Variants in NEGR1 observed in about 807,000 individuals in gnomAD.
NEGR1 encodes the protein neuronal growth regulator 1.
Under a neutral mutation model 40.9 loss-of-function variants are expected in NEGR1, and 10 were observed. The ratio of observed to expected loss-of-function variants is 0.24; its 90% CI spans 0.15 to 0.42. NEGR1 has a LOEUF of 0.42. Ranked by LOEUF, NEGR1 falls within the 10% of genes least tolerant of loss-of-function variation. The probability of loss-of-function intolerance (pLI) is 1.00; values close to 1 mark genes in which losing one functional copy is unlikely to be tolerated. For synonymous variants in NEGR1, 185 were observed against 166.8 expected (o/e 1.11, Z -0.84); for missense variants, 352 against 438.9 (o/e 0.80, Z 1.77).
chr1:71,670,065 T>TC lies in NEGR1; in HGVS notation c.667+27942dup, dbSNP rs1213549446. 1.8e-4 allele frequency among the ~76,000 whole-genome samples: 28 copies of TC among 152,302 alleles called. No individual in the cohort carries two copies. In the East Asian group the frequency reaches 5.0e-3, roughly 27 times the overall value. On this transcript the variant is annotated intron_variant, in intron 4 of 6. Coordinates refer to ENST00000357731, the MANE Select transcript of NEGR1 (RefSeq NM_173808.3). The stretch of plus-strand genomic sequence containing the variant: ...ATTATTCTTCATTCTTTCCTTCCTT[T>TC]CTCCGTTACCATTTGTGATTATTTT...
chr1:71,690,413 T>C (rs557132489), intron 4 of NEGR1, among the ~76,000 whole-genome samples: 1 of 151,986 alleles, frequency 6.6e-6, no homozygotes, highest in South Asian at 2.1e-4. Context: ...TTGTACTGAC[T>C]AAAGTAATGT....
chr1:72,055,525 T>C (rs1215500269), intron 1 of NEGR1, among the ~76,000 whole-genome samples: 2 of 151,082 alleles, frequency 1.3e-5, no homozygotes, highest in African/African-American at 4.8e-5. Flanking sequence ...TAATGGGAAA[T>C]GAAATATGCC....
chr1:71,577,669 A>T (rs1649006972), intron 6 of NEGR1, among the ~76,000 whole-genome samples: 1 of 152,210 alleles, frequency 6.6e-6, no homozygotes, highest in Admixed American at 6.5e-5. Flanking sequence ...TGTGGTAATC[A>T]GACCAATTTC....
intron 6 of NEGR1, among the ~76,000 whole-genome samples, chr1:71,577,542 G>A (rs752795292): frequency 7.9e-5 from 12 of 152,158 alleles, no homozygotes; most frequent in Non-Finnish European, 1.5e-4. Context: ...TAGTGGCCAG[G>A]AAGAACTGAA....
intron 2 of NEGR1, among the ~76,000 whole-genome samples, chr1:71,888,473 C>T (rs1355988613): frequency 2.0e-5 from 3 of 151,846 alleles, no homozygotes; most frequent in Non-Finnish European, 2.9e-5. Flanking sequence ...CCTGGAAAAT[C>T]GGGTCACTCC....
At chr1:71,754,850 T>A (rs1275656163) in intron 3 of NEGR1, among the ~76,000 whole-genome samples, 1 of 152,174 alleles carries the variant, frequency 6.6e-6, no homozygotes, top group Non-Finnish European at 1.5e-5. Context: ...CTCTTCTAGG[T>A]CTTCATCTGT....
At chr1:71,638,647 C>T (rs900754693) in intron 4 of NEGR1, among the ~76,000 whole-genome samples, 1 of 152,002 alleles carries the variant, frequency 6.6e-6, no homozygotes, top group African/African-American at 2.4e-5. Context: ...ATTATGATTT[C>T]CATTTTACAA....
chr1:71,591,504 A>C (rs1341910550), intron 6 of NEGR1, among the ~76,000 whole-genome samples: 10 of 152,290 alleles, frequency 6.6e-5, no homozygotes, highest in Non-Finnish European at 2.9e-5. Context: ...GTGCTTGAAT[A>C]TTTAAACCAT....
intron 6 of NEGR1, among the ~76,000 whole-genome samples, chr1:71,509,441 G>A (rs1030833146): frequency 2.0e-5 from 3 of 152,204 alleles, no homozygotes; most frequent in Non-Finnish European, 4.4e-5. Context: ...CATCCGACAT[G>A]CCACTGGTGA....
At chr1:71,701,086 GT>G (rs1653675640) in intron 3 of NEGR1, among the ~76,000 whole-genome samples, 1 of 151,954 alleles carries the variant, frequency 6.6e-6, no homozygotes, top group Admixed American at 6.6e-5. Flanking sequence ...CTTGCTTTGA[GT>G]CTGATGAGAC....
chr1:72,210,772 T>C (rs889955183), intron 1 of NEGR1, among the ~76,000 whole-genome samples: 1 of 151,892 alleles, frequency 6.6e-6, no homozygotes, highest in Admixed American at 6.6e-5. Flanking sequence ...CTAATTCAAA[T>C]CATACATGGT....
intron 2 of NEGR1, among the ~76,000 whole-genome samples, chr1:71,864,826 T>C (rs1338795458): frequency 6.6e-6 from 1 of 152,146 alleles, no homozygotes. Flanking sequence ...ACATAAATAT[T>C]ATTATTCATT....
chr1:72,093,409 A>C (rs763255806), intron 1 of NEGR1, among the ~76,000 whole-genome samples: 1 of 152,094 alleles, frequency 6.6e-6, no homozygotes, highest in Non-Finnish European at 1.5e-5. Context: ...TTCACATACA[A>C]ATATTCTCTC....
chr1:71,768,482 A>T (rs1656206960), intron 3 of NEGR1, among the ~76,000 whole-genome samples: 2 of 152,122 alleles, frequency 1.3e-5, no homozygotes, highest in South Asian at 4.1e-4. Flanking sequence ...TTGGAATGGG[A>T]GTATTTACGC....
At chr1:71,870,541 T>C (rs993022341) in intron 2 of NEGR1, among the ~76,000 whole-genome samples, 2 of 152,204 alleles carry the variant, frequency 1.3e-5, no homozygotes, top group Non-Finnish European at 2.9e-5. Flanking sequence ...AATTTATACT[T>C]TACTTGCACT....
chr1:72,103,020 T>C (rs1011365552), intron 1 of NEGR1, among the ~76,000 whole-genome samples: 4 of 152,110 alleles, frequency 2.6e-5, no homozygotes, highest in African/African-American at 9.6e-5. Context: ...ATTACCATGT[T>C]TTTGTTCTAT....
chr1:72,078,748 T>A (rs929527794), intron 1 of NEGR1, among the ~76,000 whole-genome samples: 1 of 151,158 alleles, frequency 6.6e-6, no homozygotes, highest in African/African-American at 2.4e-5. Flanking sequence ...CAAGTGATTC[T>A]CCTGCCTCAG....
chr1:72,157,262 T>C (rs1479260682), intron 1 of NEGR1, among the ~76,000 whole-genome samples: 1 of 152,152 alleles, frequency 6.6e-6, no homozygotes, highest in African/African-American at 2.4e-5. Context: ...TGAGCCACCA[T>C]GTCCAGCCCT....
intron 2 of NEGR1, among the ~76,000 whole-genome samples, chr1:71,791,878 T>C (rs970330092): frequency 6.6e-6 from 1 of 152,064 alleles, no homozygotes; most frequent in Non-Finnish European, 1.5e-5. Context: ...TGGCTTTGAA[T>C]AATGGAACAA....
Sources: gnomAD v4.1 joint callset for allele counts (sites outside exome capture counted in the v4.1 genomes callset) on GRCh38, gnomAD v4.1.1 for gene constraint, MANE v1.5 for transcripts, NCBI Gene and HGNC (gene_info 2026-07-23, HGNC 2026-07-21) for gene names.